The following GALNTL6 variants were observed in gnomAD, a reference collection of about 807,000 sequenced individuals.
GALNTL6 encodes polypeptide N-acetylgalactosaminyltransferase-like 6.
GALNTL6 carries 46 observed loss-of-function variants against 73.7 expected under a neutral mutation model. The observed-to-expected ratio is 0.62, with a 90% confidence interval of 0.49 to 0.80. GALNTL6 has a LOEUF of 0.80. GALNTL6 is among the 30% of genes least tolerant of loss of function. The probability of loss-of-function intolerance (pLI) is 0.00; values close to 1 mark genes in which losing one functional copy is unlikely to be tolerated. For missense variants in GALNTL6, 604 were observed against 755.0 expected (o/e 0.80, Z 2.34); for synonymous variants, 259 against 263.7 (o/e 0.98, Z 0.17).
intron 2 of GALNTL6, among the ~76,000 whole-genome samples, chr4:172,169,342 G>A (rs1417140541): frequency 6.6e-6 from 1 of 152,190 alleles, no homozygotes; most frequent in Non-Finnish European, 1.5e-5. Flanking sequence ...ACAGCTGAAA[G>A]TTATTTTAGA....
chr4:171,965,829 G>A (rs1221206903), intron 2 of GALNTL6, among the ~76,000 whole-genome samples: 1 of 152,132 alleles, frequency 6.6e-6, no homozygotes, highest in Non-Finnish European at 1.5e-5. Flanking sequence ...CAGAGAAAAA[G>A]AGGGAATGTA....
chr4:172,378,098 C>T (rs1328003714), intron 5 of GALNTL6, among the ~76,000 whole-genome samples: 1 of 152,236 alleles, frequency 6.6e-6, no homozygotes, highest in African/African-American at 2.4e-5. Context: ...TCACCTCTCA[C>T]TGTGACTATC....
At chr4:172,491,833 G>C (rs1226052278) in intron 5 of GALNTL6, among the ~76,000 whole-genome samples, 1 of 152,106 alleles carries the variant, frequency 6.6e-6, no homozygotes, top group Admixed American at 6.6e-5. Context: ...GATTACAGAG[G>C]CAATATGATG....
chr4:172,532,014 G>C (rs1274682328), intron 5 of GALNTL6, among the ~76,000 whole-genome samples: 2 of 152,192 alleles, frequency 1.3e-5, no homozygotes, highest in Non-Finnish European at 2.9e-5. Context: ...GGTGGGAGTA[G>C]GTTTCTTCTG....
chr4:172,643,436 A>T (rs837217), intron 5 of GALNTL6, among the ~76,000 whole-genome samples: 55 of 152,124 alleles, frequency 3.6e-4, no homozygotes, highest in African/African-American at 1.2e-3. Context: ...AAAAGTGTAC[A>T]AATCATGCAT....
chr4:172,935,959 C>T (rs1462752617), intron 9 of GALNTL6, among the ~76,000 whole-genome samples: 3 of 152,162 alleles, frequency 2.0e-5, no homozygotes, highest in African/African-American at 7.2e-5. Flanking sequence ...GATACCAAAA[C>T]CTGGCAGAGA....
chr4:171,923,469 C>T (rs1311958604), intron 2 of GALNTL6, among the ~76,000 whole-genome samples: 1 of 147,436 alleles, frequency 6.8e-6, no homozygotes, highest in East Asian at 2.0e-4. Context: ...GTGATCTCGG[C>T]TCACTGCAAG....
intron 5 of GALNTL6, among the ~76,000 whole-genome samples, chr4:172,729,964 T>C (rs534296753): frequency 1.2e-3 from 179 of 152,252 alleles, no homozygotes; most frequent in Non-Finnish European, 2.3e-3. Flanking sequence ...GTTAGATTGG[T>C]TCCTAAGCAT....
chr4:173,021,567 C>T lies in GALNTL6; in HGVS notation c.1580C>T (p.Pro527Leu), dbSNP rs780216721. The T allele has an allele frequency of 1.2e-6, 2 of 1,614,146 alleles. No individual in the cohort carries two copies. Among genetic ancestry groups the T allele is most frequent in the Non-Finnish European group, 1.7e-6 (2 of 1,180,016 alleles). The change falls in exon 12 of 13, where the codon CCC becomes CTC. Residue 527 changes from proline to leucine, a missense_variant. Physicochemically the swap from Pro to Leu is moderately conservative, Grantham distance 98. Around this residue, in one of 5 missense-constraint regions of GALNTL6, gnomAD observed 261 missense variants for 296.5 expected, o/e 0.88. Transcript: ENST00000506823. ...FCFDAISHNS[P>L]VTLYDCHGMK... Reference sequence around the variant, plus strand: ...TTTGATGCGATCTCACACAACAGCCCCGTTACACTCTATGACTGTCATGGC... The same window carrying T: ...TTTGATGCGATCTCACACAACAGCCTCGTTACACTCTATGACTGTCATGGC...
chr4:172,413,655 GTT>G (rs70944408), intron 5 of GALNTL6, among the ~76,000 whole-genome samples: 9,493 of 126,194 alleles, frequency 0.075, 846 homozygotes, highest in African/African-American at 0.23. Context: ...CTTTGTATTA[GTT>G]TTTTTTTTTT....
intron 2 of GALNTL6, among the ~76,000 whole-genome samples, chr4:172,206,284 T>A (rs564035656): frequency 3.3e-5 from 5 of 151,914 alleles, no homozygotes; most frequent in African/African-American, 4.8e-5. Context: ...GAGAAAAAAA[T>A]TTTCCAAATT....
intron 5 of GALNTL6, among the ~76,000 whole-genome samples, chr4:172,763,085 A>G (rs1168642937): frequency 6.6e-6 from 1 of 152,188 alleles, no homozygotes; most frequent in East Asian, 1.9e-4. Context: ...GAGCACTGTC[A>G]TCATACATCC....
At chr4:172,390,173 C>T (rs1743610409) in intron 5 of GALNTL6, among the ~76,000 whole-genome samples, 1 of 151,920 alleles carries the variant, frequency 6.6e-6, no homozygotes, top group Non-Finnish European at 1.5e-5. Context: ...ATTTTAGGGG[C>T]CTATTGTTTA....
chr4:172,993,135 A>G (rs188415725), intron 10 of GALNTL6, among the ~76,000 whole-genome samples: 2 of 152,246 alleles, frequency 1.3e-5, no homozygotes, highest in East Asian at 3.9e-4. Flanking sequence ...CTAATCCCCA[A>G]TTGTCTGTGT....
chr4:172,295,636 A>G (rs994585637), intron 3 of GALNTL6, among the ~76,000 whole-genome samples: 2 of 141,978 alleles, frequency 1.4e-5, no homozygotes, highest in African/African-American at 5.3e-5. Flanking sequence ...TTATTCATTA[A>G]TACTGCCTTG....
chr4:173,036,350 A>G, intron 12 of GALNTL6, among the ~76,000 whole-genome samples: 1 of 152,172 alleles, frequency 6.6e-6, no homozygotes. Flanking sequence ...AGCCTACAGG[A>G]CTATGGAACC....
Position 172,062,208 on chromosome 4 carries a change from C to T in GALNTL6, c.139-167448C>T, listed in dbSNP as rs142034232. On this transcript the variant is annotated intron_variant, in intron 2 of 12. Transcript: ENST00000506823. ...TGACCTCATGATCCGCCCGCCTTGG[C>T]CTCCCAAAGTGCTGGGATTACAGGC... 9.9e-3 allele frequency among the ~76,000 whole-genome samples: 1,504 copies of T among 152,108 alleles called. 26 individuals are homozygous for T. The highest frequency in any genetic ancestry group is 0.034 in the African/African-American group (1,391 of 41,474).
At chr4:172,644,868 A>G (rs1006749219) in intron 5 of GALNTL6, among the ~76,000 whole-genome samples, 3 of 151,978 alleles carry the variant, frequency 2.0e-5, no homozygotes, top group African/African-American at 7.2e-5. Flanking sequence ...TCCAGTCTCT[A>G]CGAGGTCATC....
chr4:172,695,888 G>A (rs1200459331), intron 5 of GALNTL6, among the ~76,000 whole-genome samples: 4 of 152,020 alleles, frequency 2.6e-5, no homozygotes, highest in African/African-American at 7.2e-5. Flanking sequence ...AGGAGGTGGA[G>A]CTTGCAGTGA....
Sources: allele counts gnomAD v4.1 joint callset (sites outside exome capture counted in the v4.1 genomes callset), GRCh38; gene constraint gnomAD v4.1.1; regional missense constraint gnomAD v4.1.1; transcripts MANE v1.5; gene names NCBI Gene and HGNC (gene_info 2026-07-23, HGNC 2026-07-21).